LNP1: variants seen among roughly 807,000 people sequenced by gnomAD.
LNP1 encodes the protein leukemia NUP98 fusion partner 1.
In LNP1, 12 loss-of-function variants were observed where a neutral mutation model predicts 14.5. The observed-to-expected ratio is 0.83, with a 90% CI of 0.53 to 1.34. The LOEUF is 1.34. Among genes scored for constraint, LNP1 ranks in the 40% most tolerant of loss-of-function variants. LNP1 has a pLI of 0.00. For synonymous variants in LNP1, 75 were observed against 71.4 expected, an observed-to-expected ratio of 1.05 and a Z score of -0.26; for missense variants, 198 against 210.9, an observed-to-expected ratio of 0.94 and a Z score of 0.38.
chr3:100,412,162 G>T (rs1707037518), intron 1 of LNP1, among the ~76,000 whole-genome samples: 1 of 152,318 alleles, frequency 6.6e-6, no homozygotes, highest in Non-Finnish European at 1.5e-5. Context: ...CACGGCAGAA[G>T]TTCAAAGAGG....
At chr3:100,424,731 GGGCTAACCTTGCAAGCA>G (rs1279298591) in intron 1 of LNP1, among the ~76,000 whole-genome samples, 7 of 152,328 alleles carry the variant, frequency 4.6e-5, no homozygotes, top group Non-Finnish European at 7.3e-5. Flanking sequence ...AGCCAGCTAA[GGGCTAACCTTGCAAGCA>G]GGTCCTTCTA....
intron 2 of LNP1, among the ~76,000 whole-genome samples, chr3:100,447,042 A>G (rs1394859652): frequency 2.0e-5 from 3 of 152,152 alleles, no homozygotes. Context: ...ACAGGGCGGC[A>G]ATTCCTCAAG....
chr3:100,451,988 A>T (rs1707464399), intron 3 of LNP1, 39 bp downstream of exon 3: 2 of 1,397,756 alleles, frequency 1.4e-6, no homozygotes, highest in African/African-American at 2.9e-5. Context: ...GCCGCTTTAA[A>T]AAAGGAAACC....
chr3:100,441,853 C>T (rs1707346586), intron 2 of LNP1, among the ~76,000 whole-genome samples: 1 of 151,864 alleles, frequency 6.6e-6, no homozygotes, highest in African/African-American at 2.4e-5. Flanking sequence ...TTAGTAGAGA[C>T]AGGGTTTCAC....
chr3:100,409,269 G>A (rs1403880766), intron 1 of LNP1, among the ~76,000 whole-genome samples: 2 of 152,048 alleles, frequency 1.3e-5, no homozygotes, highest in Non-Finnish European at 2.9e-5. Context: ...AGAGCCTAGT[G>A]ACTTTCAGAC....
intron 3 of LNP1, among the ~76,000 whole-genome samples, chr3:100,454,461 A>G (rs1477750961): frequency 6.6e-6 from 1 of 152,202 alleles, no homozygotes; most frequent in Non-Finnish European, 1.5e-5. Flanking sequence ...AATGATTTAT[A>G]TCGTCTTTTG....
intron 2 of LNP1, among the ~76,000 whole-genome samples, chr3:100,450,708 G>A (rs1416096776): frequency 6.6e-6 from 1 of 152,114 alleles, no homozygotes; most frequent in Non-Finnish European, 1.5e-5. Context: ...GTCTCAGGCT[G>A]TAGACTGCTC....
intron 2 of LNP1, among the ~76,000 whole-genome samples, chr3:100,436,687 C>T (rs1707297475): frequency 6.6e-6 from 1 of 152,042 alleles, no homozygotes. Flanking sequence ...TTATATTGAA[C>T]ATTGGCAGGT....
chr3:100,430,523 A>G (rs1177321302), intron 2 of LNP1, among the ~76,000 whole-genome samples: 1 of 152,228 alleles, frequency 6.6e-6, no homozygotes, highest in Admixed American at 6.5e-5. Context: ...ACTCAGTGAC[A>G]TGTACAGGCG....
intron 2 of LNP1, among the ~76,000 whole-genome samples, chr3:100,437,813 A>G (rs1707305584): frequency 6.6e-6 from 1 of 152,254 alleles, no homozygotes; most frequent in Non-Finnish European, 1.5e-5. Context: ...GCAGTTTCAC[A>G]TGGAAATAGA....
intron 1 of LNP1, among the ~76,000 whole-genome samples, chr3:100,427,173 G>A (rs751865767): frequency 3.3e-5 from 5 of 151,750 alleles, no homozygotes; most frequent in Non-Finnish European, 7.4e-5. Context: ...TAACAAAAAC[G>A]TTAAAAGTTT....
At chr3:100,446,781 G>T (rs538038435) in intron 2 of LNP1, among the ~76,000 whole-genome samples, 4 of 152,140 alleles carry the variant, frequency 2.6e-5, no homozygotes, top group Non-Finnish European at 4.4e-5. Flanking sequence ...CCATCAAAAA[G>T]TGGGCAAAGG....
At chr3:100,430,548 T>C (rs993756243) in intron 2 of LNP1, among the ~76,000 whole-genome samples, 1 of 152,194 alleles carries the variant, frequency 6.6e-6, no homozygotes, top group African/African-American at 2.4e-5. Context: ...TTCTCTCTGC[T>C]CTACTGGCAT....
chr3:100,419,127 C>T (rs779611745), intron 1 of LNP1, among the ~76,000 whole-genome samples: 1 of 152,100 alleles, frequency 6.6e-6, no homozygotes, highest in Non-Finnish European at 1.5e-5. Context: ...GTAGAGCTGT[C>T]CATAGGTTTT....
rs187650823 is a variant in LNP1, at chr3:100,418,732, T to C, written c.-33-10965T>C. On this transcript the variant is annotated intron_variant, in intron 1 of 3. Transcript: ENST00000383693. Reference sequence around the variant, plus strand: ...TCTTTATCTCTGTTGTCCCTGTCTATTGCAGTTTTGATTCCACTCTTCACA... The same window carrying C: ...TCTTTATCTCTGTTGTCCCTGTCTACTGCAGTTTTGATTCCACTCTTCACA... 5.5e-4 allele frequency among the ~76,000 whole-genome samples: 84 copies of C among 152,308 alleles called. 1 individual carries two copies. The highest frequency in any genetic ancestry group is 1.2e-3 in the Non-Finnish European group (79 of 68,034).
intron 2 of LNP1, among the ~76,000 whole-genome samples, chr3:100,431,902 G>A (rs1486185940): frequency 6.8e-6 from 1 of 147,654 alleles, no homozygotes; most frequent in Non-Finnish European, 1.5e-5. Flanking sequence ...GGCTGAGGTG[G>A]GAAGATCACT....
chr3:100,417,731 G>A (rs1167025608), intron 1 of LNP1, among the ~76,000 whole-genome samples: 3 of 151,886 alleles, frequency 2.0e-5, no homozygotes, highest in South Asian at 4.1e-4. Flanking sequence ...TCAGGAAAGC[G>A]TTTATTTGAA....
At chr3:100,405,034 C>T (rs145328134) in intron 1 of LNP1, among the ~76,000 whole-genome samples, 10 of 152,142 alleles carry the variant, frequency 6.6e-5, no homozygotes, top group African/African-American at 2.2e-4. Flanking sequence ...CCTCGTGATC[C>T]GCCCGCCTCG....
intron 2 of LNP1, among the ~76,000 whole-genome samples, chr3:100,433,086 A>G (rs975602893): frequency 2.0e-5 from 3 of 152,214 alleles, no homozygotes; most frequent in African/African-American, 7.2e-5. Flanking sequence ...TCTGGAATAC[A>G]TGTGCAGAAC....
Sources: gnomAD v4.1 joint callset for allele counts (sites outside exome capture counted in the v4.1 genomes callset) on GRCh38, gnomAD v4.1.1 for gene constraint, MANE v1.5 for transcripts, NCBI Gene and HGNC (gene_info 2026-07-23, HGNC 2026-07-21) for gene names.